Variants in TMEM232 observed in about 807,000 individuals in gnomAD.
TMEM232 encodes the protein transmembrane protein 232.
Under a neutral mutation model 78.8 loss-of-function variants are expected in TMEM232, and 80 were observed. The ratio of observed to expected loss-of-function variants is 1.01; its 90% CI spans 0.85 to 1.22. The LOEUF is 1.22. Ranked by LOEUF, TMEM232 falls within the 50% of genes most tolerant of loss-of-function variation. TMEM232 has a pLI of 0.00. For missense variants in TMEM232, 881 were observed against 742.2 expected, an observed-to-expected ratio of 1.19 and a Z score of -2.17; for synonymous variants, 297 against 254.3, an observed-to-expected ratio of 1.17 and a Z score of -1.60.
chr5:110,664,391 T>G (rs1484001747), intron 2 of TMEM232, among the ~76,000 whole-genome samples: 2 of 152,196 alleles, frequency 1.3e-5, no homozygotes, highest in African/African-American at 4.8e-5. Flanking sequence ...TAGAATTACA[T>G]TAACAAATGT....
intron 2 of TMEM232, among the ~76,000 whole-genome samples, chr5:110,398,476 T>C (rs1375984732): frequency 4.6e-5 from 7 of 152,114 alleles, no homozygotes; most frequent in African/African-American, 2.4e-5. Context: ...GAGGCTATGG[T>C]TGGTGCCACA....
chr5:110,564,630 C>T (rs184234491), intron 11 of TMEM232, among the ~76,000 whole-genome samples: 5 of 151,954 alleles, frequency 3.3e-5, no homozygotes, highest in East Asian at 1.9e-4. Flanking sequence ...GGACAATAGG[C>T]GTGAACCCAT....
rs550759092 is a variant in TMEM232, at chr5:110,631,116, C to T, written c.502-3236G>A. On this transcript the variant is annotated intron_variant, in intron 5 of 13. Coordinates refer to ENST00000455884, the MANE Select transcript of TMEM232 (RefSeq NM_001039763.4). ...CCAACTGACATTCCCCAGTGTCTAC[C>T]CAGCAGCCTACAGTGGCACAGCATT... Among the ~76,000 whole-genome samples the T allele has an allele frequency of 2.6e-5, 4 of 152,214 alleles. No individual in the cohort carries two copies. The South Asian group carries it at 8.3e-4, about 32-fold the overall frequency.
At chr5:110,602,392 A>G (rs890592294) in intron 10 of TMEM232, among the ~76,000 whole-genome samples, 1 of 152,208 alleles carries the variant, frequency 6.6e-6, no homozygotes, top group African/African-American at 2.4e-5. Flanking sequence ...TTTTCAATCT[A>G]TCTTTCTGAC....
At chr5:110,714,558 T>C (rs1796837217) in intron 1 of TMEM232, among the ~76,000 whole-genome samples, 1 of 152,184 alleles carries the variant, frequency 6.6e-6, no homozygotes, top group Non-Finnish European at 1.5e-5. Flanking sequence ...CTTTAAGGTG[T>C]AATGTCTGTT....
At chr5:110,699,769 T>G (rs1159605880) in intron 1 of TMEM232, among the ~76,000 whole-genome samples, 1 of 152,030 alleles carries the variant, frequency 6.6e-6, no homozygotes, top group Non-Finnish European at 1.5e-5. Flanking sequence ...TGTCCAGATT[T>G]TCTTCACTCC....
At chr5:110,515,195 T>C (rs2149483118) in intron 12 of TMEM232, among the ~76,000 whole-genome samples, 1 of 152,344 alleles carries the variant, frequency 6.6e-6, no homozygotes, top group Non-Finnish European at 1.5e-5. Context: ...CTTCACATAG[T>C]GCCTTGCTTA....
chr5:110,446,192 G>A (rs1183675871), intron 12 of TMEM232, among the ~76,000 whole-genome samples: 1 of 152,118 alleles, frequency 6.6e-6, no homozygotes, highest in Admixed American at 6.6e-5. Context: ...GACCTTTAAG[G>A]AGAGTAGGGC....
intron 12 of TMEM232, among the ~76,000 whole-genome samples, chr5:110,498,085 A>G (rs1314699214): frequency 2.0e-5 from 3 of 152,146 alleles, no homozygotes; most frequent in Non-Finnish European, 4.4e-5. Context: ...TAAGTTAAAG[A>G]CTCTTCAAAT....
intron 1 of TMEM232, among the ~76,000 whole-genome samples, chr5:110,714,669 G>A (rs1158745502): frequency 1.3e-5 from 2 of 152,152 alleles, no homozygotes; most frequent in Non-Finnish European, 2.9e-5. Flanking sequence ...TTTATATTTA[G>A]CACTACCAAA....
At chr5:110,533,195 T>C (rs567507076) in intron 11 of TMEM232, among the ~76,000 whole-genome samples, 28 of 152,334 alleles carry the variant, frequency 1.8e-4, no homozygotes, top group Admixed American at 1.5e-3. Context: ...ACCTAGGCTG[T>C]ACTGCCGCAA....
intron 10 of TMEM232, among the ~76,000 whole-genome samples, chr5:110,599,899 T>C (rs1780678887): frequency 6.6e-6 from 1 of 152,084 alleles, no homozygotes; most frequent in Admixed American, 6.6e-5. Context: ...TATTCTAAAA[T>C]CGACCACATA....
At chr5:110,574,103 T>C (rs182536368) in intron 10 of TMEM232, among the ~76,000 whole-genome samples, 6 of 152,188 alleles carry the variant, frequency 3.9e-5, no homozygotes, top group East Asian at 1.9e-4. Flanking sequence ...CCTCTCTCAA[T>C]AGAATACTAG....
upstream of TMEM232, among the ~76,000 whole-genome samples, chr5:110,728,763 A>G (rs1378025999): frequency 2.0e-5 from 3 of 150,814 alleles, no homozygotes; most frequent in African/African-American, 7.3e-5. Context: ...TTAGGAAAAT[A>G]AGCATGTCAA....
chr5:110,498,073 CCT>C (rs1765823036), intron 12 of TMEM232, among the ~76,000 whole-genome samples: 1 of 151,882 alleles, frequency 6.6e-6, no homozygotes, highest in Non-Finnish European at 1.5e-5. Context: ...TTTTATCAAA[CCT>C]AAGTTAAAGA....
At chr5:110,428,454 T>C (rs74493936) in intron 12 of TMEM232, among the ~76,000 whole-genome samples, 1 of 151,904 alleles carries the variant, frequency 6.6e-6, no homozygotes, top group East Asian at 1.9e-4. Context: ...CCTGGAGCCA[T>C]CTCTTTGAAA....
At chr5:110,728,216 TAC>T (rs929324970), upstream of TMEM232, among the ~76,000 whole-genome samples, 1 of 151,484 alleles carries the variant, frequency 6.6e-6, no homozygotes, top group African/African-American at 2.4e-5. Context: ...AATTCACAAA[TAC>T]ATATATATAT....
intron 2 of TMEM232, among the ~76,000 whole-genome samples, chr5:110,409,298 A>G (rs1315347989): frequency 6.6e-6 from 1 of 152,176 alleles, no homozygotes; most frequent in Non-Finnish European, 1.5e-5. Context: ...TTAAATAGCA[A>G]TTCAACACAA....
chr5:110,708,929 A>G (rs1430868374), intron 1 of TMEM232, among the ~76,000 whole-genome samples: 1 of 152,106 alleles, frequency 6.6e-6, no homozygotes, highest in Non-Finnish European at 1.5e-5. Flanking sequence ...AATAAAAAAA[A>G]ATATAGTGGC....
Sources: allele counts gnomAD v4.1 joint callset (sites outside exome capture counted in the v4.1 genomes callset), GRCh38; gene constraint gnomAD v4.1.1; transcripts MANE v1.5; gene names NCBI Gene and HGNC (gene_info 2026-07-23, HGNC 2026-07-21).